DTNB: variants seen among roughly 807,000 people sequenced by gnomAD.
DTNB encodes DTN-B.
Under a neutral mutation model 90.7 loss-of-function variants are expected in DTNB, and 63 were observed. That is an observed-to-expected ratio of 0.69 (90% confidence interval 0.57 to 0.86). The LOEUF is 0.86. Among genes scored for constraint, DTNB ranks in the 40% least tolerant of loss-of-function variants. DTNB has a pLI of 0.00. For missense variants in DTNB, 744 were observed against 807.1 expected (o/e 0.92, Z 0.95); for synonymous variants, 277 against 286.7 (o/e 0.97, Z 0.34).
chr2:25,586,396 G>A (rs1032824517), intron 6 of DTNB, among the ~76,000 whole-genome samples: 2 of 151,386 alleles, frequency 1.3e-5, no homozygotes, highest in Non-Finnish European at 2.9e-5. Context: ...TGTAATCCCA[G>A]CTACTCGGGA....
chr2:25,519,671 CG>C (rs2075800218), intron 9 of DTNB, among the ~76,000 whole-genome samples: 1 of 152,090 alleles, frequency 6.6e-6, no homozygotes, highest in Admixed American at 6.5e-5. Flanking sequence ...ACTGTCACGT[CG>C]GCACTCAAAA....
At chr2:25,464,240 A>G (rs1414689584) in intron 10 of DTNB, among the ~76,000 whole-genome samples, 1 of 152,202 alleles carries the variant, frequency 6.6e-6, no homozygotes, top group Non-Finnish European at 1.5e-5. Context: ...CCATTCTCTA[A>G]TAAAGGAGCC....
intron 10 of DTNB, among the ~76,000 whole-genome samples, chr2:25,472,415 T>G (rs1291312195): frequency 6.6e-6 from 1 of 152,152 alleles, no homozygotes; most frequent in African/African-American, 2.4e-5. Context: ...TCCAAGTGCT[T>G]CTGAGTATGG....
intron 9 of DTNB, among the ~76,000 whole-genome samples, chr2:25,494,757 T>G (rs1338787102): frequency 6.6e-6 from 1 of 152,150 alleles, no homozygotes; most frequent in East Asian, 1.9e-4. Context: ...TATCCCAATT[T>G]GAAAATCCCC....
chr2:25,561,915 T>C (rs2058328022), intron 8 of DTNB, among the ~76,000 whole-genome samples: 1 of 152,218 alleles, frequency 6.6e-6, no homozygotes, highest in Non-Finnish European at 1.5e-5. Context: ...ATTGAGATAC[T>C]ATTCATATGC....
intron 3 of DTNB, among the ~76,000 whole-genome samples, chr2:25,637,019 A>G (rs955400490): frequency 2.0e-5 from 3 of 152,164 alleles, no homozygotes; most frequent in Non-Finnish European, 4.4e-5. Flanking sequence ...TAAATGGCAA[A>G]ACCAGGTCTA....
At chr2:25,607,112 G>T in intron 5 of DTNB, 124 bp downstream of exon 5, 1 of 1,009,274 alleles carries the variant, frequency 9.9e-7, no homozygotes. Flanking sequence ...GCCAGCTGCT[G>T]CAGCGTGAGT....
At chr2:25,536,019 C>T (rs1290011222) in intron 8 of DTNB, among the ~76,000 whole-genome samples, 3 of 133,124 alleles carry the variant, frequency 2.3e-5, no homozygotes, top group Non-Finnish European at 3.2e-5. Context: ...CGCTCCTCAC[C>T]TCCCATTCGG....
intron 1 of DTNB, among the ~76,000 whole-genome samples, chr2:25,667,825 T>C (rs894617863): frequency 6.6e-6 from 1 of 152,238 alleles, no homozygotes; most frequent in African/African-American, 2.4e-5. Flanking sequence ...CACGGATGTT[T>C]ATAGCAGTTT....
chr2:25,628,022 T>C lies in DTNB; in HGVS notation c.362+149A>G, dbSNP rs142013791. 662 of 806,922 alleles carry C rather than the reference T, an allele frequency of 8.2e-4. 3 individuals are homozygous for C. Among genetic ancestry groups the C allele is most frequent in the East Asian group, 6.7e-3 (239 of 35,448 alleles). 50.0% of individuals were successfully genotyped at this position (806,922 alleles called of 1,614,324 possible). A position where few individuals can be genotyped will look rare whatever the true frequency, so the allele number is the denominator to read the frequency against. ...AAGTGCTGGGACTACAGCTGTGAGC[T>C]ACCGTGCCCAGCCAATAATTTCCCT... On this transcript the variant is annotated intron_variant, in intron 4 of 20. Coordinates refer to ENST00000406818, the MANE Select transcript of DTNB (RefSeq NM_021907.5).
intron 8 of DTNB, among the ~76,000 whole-genome samples, chr2:25,570,406 CAAAAAAAAAAA>C (rs146251976): frequency 8.1e-4 from 73 of 89,884 alleles, no homozygotes; most frequent in East Asian, 1.4e-3. Context: ...TTTCCTGTCT[CAAAAAAAAAAA>C]AAAAAAAAAA....
At chr2:25,396,421 G>A (rs2042363593) in intron 16 of DTNB, among the ~76,000 whole-genome samples, 1 of 152,018 alleles carries the variant, frequency 6.6e-6, no homozygotes, top group Admixed American at 6.6e-5. Context: ...TGAGGCAGGA[G>A]AATCCCTTGA....
chr2:25,613,305 G>A (rs1377466843), intron 4 of DTNB, among the ~76,000 whole-genome samples: 1 of 152,054 alleles, frequency 6.6e-6, no homozygotes, highest in Non-Finnish European at 1.5e-5. Flanking sequence ...TGCGTATATT[G>A]CGTGATGCTG....
intron 6 of DTNB, among the ~76,000 whole-genome samples, chr2:25,588,095 A>C (rs990645619): frequency 6.6e-6 from 1 of 152,130 alleles, no homozygotes; most frequent in Non-Finnish European, 1.5e-5. Context: ...TGTGACAATA[A>C]ATTATTTTGG....
chr2:25,571,221 G>A (rs889711423), intron 8 of DTNB, among the ~76,000 whole-genome samples: 24 of 152,254 alleles, frequency 1.6e-4, no homozygotes, highest in Non-Finnish European at 3.2e-4. Flanking sequence ...ACTACTGTCC[G>A]ACCATATCTT....
At chr2:25,378,680 A>G (rs2036606205) in intron 20 of DTNB, among the ~76,000 whole-genome samples, 1 of 152,160 alleles carries the variant, frequency 6.6e-6, no homozygotes, top group African/African-American at 2.4e-5. Flanking sequence ...GAAAATGGGA[A>G]TGACTAATTC....
At chr2:25,547,318 C>T (rs1163514611) in intron 8 of DTNB, among the ~76,000 whole-genome samples, 16 of 114,034 alleles carry the variant, frequency 1.4e-4, no homozygotes, top group Admixed American at 1.7e-4. Context: ...TGTATTCTTT[C>T]TTTCCTTTTT....
At position 25,673,516 on chromosome 2, in the gene DTNB, G is replaced by T. The variant is rs1023892907; in HGVS notation, c.-132C>A. 5.3e-5 allele frequency: 8 copies of T among 150,138 alleles called. No individual in the cohort carries two copies. Among genetic ancestry groups the T allele is most frequent in the Admixed American group, 5.3e-4 (8 of 15,090 alleles). The allele number at this position is 150,138 out of a possible 1,614,324, so 9.3% of individuals were successfully genotyped here. Reference sequence around the variant, plus strand: ...CTACTCAGGCCCCGGAGCCACCCCCGCGGCGAACGTTCGCAGCGCCCGGCT... The same window carrying T: ...CTACTCAGGCCCCGGAGCCACCCCCTCGGCGAACGTTCGCAGCGCCCGGCT... On this transcript the variant is annotated 5_prime_UTR_variant, in exon 1 of 21. Coordinates refer to ENST00000406818, the MANE Select transcript of DTNB (RefSeq NM_021907.5).
At chr2:25,444,766 A>G (rs1007063652) in intron 12 of DTNB, among the ~76,000 whole-genome samples, 5 of 152,194 alleles carry the variant, frequency 3.3e-5, no homozygotes, top group Admixed American at 3.3e-4. Context: ...AAAAAAATCA[A>G]TACAAACCTA....
Sources: gnomAD v4.1 joint callset for allele counts (sites outside exome capture counted in the v4.1 genomes callset) on GRCh38, gnomAD v4.1.1 for gene constraint, MANE v1.5 for transcripts, NCBI Gene and HGNC (gene_info 2026-07-23, HGNC 2026-07-21) for gene names.